The following LAYN variants were observed in gnomAD, a reference collection of about 807,000 sequenced individuals.
The protein encoded by LAYN is layilin.
A neutral mutation model predicts 43.6 loss-of-function variants in LAYN; 38 were observed. That is an observed-to-expected ratio of 0.87 (90% confidence interval 0.67 to 1.14). The LOEUF is 1.14. Ranked by LOEUF, LAYN falls within the 50% of genes most tolerant of loss-of-function variation. The pLI is 0.00. For synonymous variants in LAYN, 168 were observed against 172.9 expected (o/e 0.97, Z 0.22); for missense variants, 479 against 463.8 (o/e 1.03, Z -0.30).
At chr11:111,558,085 A>G (rs1287537247) in intron 6 of LAYN, among the ~76,000 whole-genome samples, 1 of 152,256 alleles carries the variant, frequency 6.6e-6, no homozygotes, top group Non-Finnish European at 1.5e-5. Context: ...TGAAAGAGCC[A>G]AATTCCTTTT....
rs764188955 is a variant in LAYN, at chr11:111,560,185, C to CA, written c.854dup (p.Asn285LysfsTer10). On this transcript the variant is annotated frameshift_variant, in exon 7 of 7. Coordinates refer to ENST00000375614, the MANE Select transcript of LAYN (RefSeq NM_178834.5). LOFTEE classifies it high-confidence loss of function. The stretch of plus-strand genomic sequence containing the variant: ...GAAACAGCCCGGACCTAGAGGTCTA[C>CA]AATGTCATAAGAAAACAAAGCGAAG... The CA allele has an allele frequency of 6.2e-7, 1 of 1,614,202 alleles. No individual in the cohort carries two copies. The highest frequency in any genetic ancestry group is 1.7e-5 in the Admixed American group (1 of 60,018).
intron 2 of LAYN, among the ~76,000 whole-genome samples, chr11:111,546,629 C>T (rs1565265525): frequency 6.6e-6 from 1 of 152,240 alleles, no homozygotes; most frequent in Non-Finnish European, 1.5e-5. Flanking sequence ...TGGCAGATGT[C>T]ATGGAAGTCT....
intron 3 of LAYN, among the ~76,000 whole-genome samples, chr11:111,553,991 A>T (rs518294): frequency 0.55 from 83,739 of 152,060 alleles, 25,054 homozygotes; most frequent in East Asian, 0.96. Flanking sequence ...TATTCTCAAG[A>T]CACTTTGAAA....
At chr11:111,544,993 A>G (rs1867623851) in intron 2 of LAYN, among the ~76,000 whole-genome samples, 1 of 151,812 alleles carries the variant, frequency 6.6e-6, no homozygotes, top group African/African-American at 2.4e-5. Flanking sequence ...CATCAAAAGA[A>G]TGAAGATTTT....
At position 111,540,733 on chromosome 11, in the gene LAYN, G is replaced by A; in HGVS notation, c.-111G>A. ...CCCCCGCCTCCCGTGCGGTCCGTCG[G>A]TGGCCTAGAGATGCTGCTGCCGCGG... On this transcript the variant is annotated 5_prime_UTR_variant, in exon 1 of 7. The change creates a new upstream start codon in the 5' untranslated region. Transcript: ENST00000375614. The A allele has an allele frequency of 9.2e-7, 1 of 1,085,570 alleles. No individual in the cohort carries two copies. Among genetic ancestry groups the A allele is most frequent in the South Asian group, 1.7e-5 (1 of 59,186 alleles). The allele number at this position is 1,085,570 out of a possible 1,614,324, so 67.2% of individuals were successfully genotyped here.
chr11:111,542,342 C>T (rs572349050), intron 1 of LAYN, among the ~76,000 whole-genome samples: 1 of 152,288 alleles, frequency 6.6e-6, no homozygotes, highest in Non-Finnish European at 1.5e-5. Flanking sequence ...CAGCAATAGC[C>T]AAATAATGAC....
At chr11:111,545,474 A>G (rs965519355) in intron 2 of LAYN, among the ~76,000 whole-genome samples, 1 of 152,180 alleles carries the variant, frequency 6.6e-6, no homozygotes, top group East Asian at 1.9e-4. Context: ...GCAAATTCCA[A>G]GAGGTACCCA....
chr11:111,545,773 G>A (rs1381443936), intron 2 of LAYN, among the ~76,000 whole-genome samples: 1 of 152,152 alleles, frequency 6.6e-6, no homozygotes, highest in Non-Finnish European at 1.5e-5. Flanking sequence ...TCTAAAATGA[G>A]GCTACTCCTG....
At chr11:111,559,479 T>G (rs996026342) in intron 6 of LAYN, among the ~76,000 whole-genome samples, 5 of 151,898 alleles carry the variant, frequency 3.3e-5, no homozygotes, top group African/African-American at 1.2e-4. Context: ...TTTATTTTAT[T>G]TTTGAGACAG....
At chr11:111,552,679 C>T (rs867805236) in intron 3 of LAYN, among the ~76,000 whole-genome samples, 6 of 152,054 alleles carry the variant, frequency 3.9e-5, no homozygotes, top group Admixed American at 2.0e-4. Context: ...AACTTTGCAC[C>T]GTGGATTGAA....
chr11:111,559,789 T>C (rs1867919090), intron 6 of LAYN, among the ~76,000 whole-genome samples: 1 of 152,062 alleles, frequency 6.6e-6, no homozygotes, highest in South Asian at 2.1e-4. Flanking sequence ...TGGGTTTTTT[T>C]TGTAATGTGG....
At chr11:111,550,920 C>A (rs1033066424) in intron 3 of LAYN, among the ~76,000 whole-genome samples, 2 of 152,138 alleles carry the variant, frequency 1.3e-5, no homozygotes, top group Middle Eastern at 3.2e-3. Context: ...GGACTTGGCA[C>A]CTTCTTAGAA....
In LAYN at chr11:111,543,969, C is replaced by A; in HGVS notation, c.132C>A (p.Val44=). ...GGACACAGAGGCCTTGTTATAAAGT[C>A]ATTTACTTCCATGATACTTCTCGAA... ...RGGTQRPCYK[V]IYFHDTSRRL... is the part of the protein sequence containing the mutation. The change falls in exon 2 of 7, where the codon GTC becomes GTA. Residue 44 remains valine, a synonymous_variant. Transcript: ENST00000375614. 2 of 1,614,100 alleles carry A rather than the reference C, an allele frequency of 1.2e-6. No homozygotes were observed. The highest frequency in any genetic ancestry group is 1.1e-5 in the South Asian group (1 of 91,042).
At chr11:111,541,704 G>T in intron 1 of LAYN, 2 of 867,110 alleles carry the variant, frequency 2.3e-6, no homozygotes, top group Non-Finnish European at 3.7e-6. Context: ...CGGGACAGAG[G>T]AGACTGGGAA....
chr11:111,540,597 G>A, upstream of LAYN: 1 of 497,836 alleles, frequency 2.0e-6, no homozygotes, highest in Non-Finnish European at 3.5e-6. Flanking sequence ...CGAGTGTCTG[G>A]CGCCAACCTC....
chr11:111,549,192 G>GA (rs1454050021), intron 2 of LAYN, among the ~76,000 whole-genome samples: 4 of 152,170 alleles, frequency 2.6e-5, no homozygotes, highest in African/African-American at 9.7e-5. Context: ...GGTGGCTGTT[G>GA]AAAATCATGG....
chr11:111,544,349 A>AGCTATTCTGGTGCTACTTT, intron 2 of LAYN, 129 bp downstream of exon 2: 1 of 907,866 alleles, frequency 1.1e-6, no homozygotes, highest in Non-Finnish European at 1.6e-6. Flanking sequence ...GGAAAGTAGC[A>AGCTATTCTGGTGCTACTTT]CCAGAATAGC....
At chr11:111,557,460 CT>C (rs1429875297) in intron 5 of LAYN, 80 bp from the exon 6 acceptor site, 2 of 1,129,692 alleles carry the variant, frequency 1.8e-6, no homozygotes, top group Admixed American at 1.9e-5. Context: ...GACGATTATG[CT>C]TTTTTTAAGC....
At chr11:111,551,088 A>G (rs528110826) in intron 3 of LAYN, among the ~76,000 whole-genome samples, 22 of 152,294 alleles carry the variant, frequency 1.4e-4, no homozygotes, top group African/African-American at 4.8e-4. Context: ...TAAAATATCC[A>G]GGGACTAGCT....
Sources: allele counts gnomAD v4.1 joint callset (sites outside exome capture counted in the v4.1 genomes callset), GRCh38; gene constraint gnomAD v4.1.1; transcripts MANE v1.5; gene names NCBI Gene and HGNC (gene_info 2026-07-23, HGNC 2026-07-21).